The following KLHL6 variants were observed in gnomAD, a reference collection of about 807,000 sequenced individuals.
KLHL6 encodes the protein kelch-like protein 6.
KLHL6 carries 41 observed loss-of-function variants against 58.6 expected under a neutral mutation model. That is an observed-to-expected ratio of 0.70 (90% confidence interval 0.55 to 0.91). The LOEUF (loss-of-function observed/expected upper bound fraction) is 0.91. Among genes scored for constraint, KLHL6 ranks in the 40% least tolerant of loss-of-function variants. The probability of loss-of-function intolerance (pLI) is 0.00; values close to 1 mark genes in which losing one functional copy is unlikely to be tolerated. For missense variants in KLHL6, 714 were observed against 805.6 expected, an observed-to-expected ratio of 0.89 and a Z score of 1.38; for synonymous variants, 338 against 322.7, an observed-to-expected ratio of 1.05 and a Z score of -0.51.
intron 3 of KLHL6, among the ~76,000 whole-genome samples, chr3:183,507,827 G>T (rs1205048915): frequency 6.6e-6 from 1 of 152,130 alleles, no homozygotes; most frequent in African/African-American, 2.4e-5. Context: ...CATGGTGCTG[G>T]GTGATTTCTA....
rs749942087 is a variant in KLHL6 at position 183,555,446 on chromosome 3, C to T, written c.208G>A (p.Ala70Thr). ...NGLETLRMEN[A>T]LTDVILCVDI... ...ACACACAAGATGACATCTGTCAGAG[C>T]GTTTTCCATTCGCAGGGTTTCCAGG... The change falls in exon 1 of 7, where the codon GCT becomes ACT. Residue 70 changes from alanine to threonine, a missense_variant. Ala to Thr is a moderately conservative substitution (Grantham distance 58, BLOSUM62 0). Around this residue, in one of 2 missense-constraint regions of KLHL6, gnomAD observed 204 missense variants for 175.9 expected, o/e 1.16. Coordinates refer to ENST00000341319, the MANE Select transcript of KLHL6 (RefSeq NM_130446.4). The T allele has an allele frequency of 1.7e-5, 27 of 1,613,966 alleles. No individual in the cohort carries two copies. The Admixed American group carries it at 2.5e-4, about 15-fold the overall frequency.
At chr3:183,496,152 A>T (rs1302997980) in intron 4 of KLHL6, among the ~76,000 whole-genome samples, 1 of 152,188 alleles carries the variant, frequency 6.6e-6, no homozygotes, top group Non-Finnish European at 1.5e-5. Flanking sequence ...ACAGTCTAGG[A>T]GAAAATATTT....
At chr3:183,502,876 A>G (rs919903157) in intron 3 of KLHL6, among the ~76,000 whole-genome samples, 1 of 152,210 alleles carries the variant, frequency 6.6e-6, no homozygotes, top group African/African-American at 2.4e-5. Flanking sequence ...TTATGCAGCA[A>G]TTGAGAACTA....
chr3:183,509,136 T>C (rs1718107854), intron 2 of KLHL6, among the ~76,000 whole-genome samples: 1 of 152,172 alleles, frequency 6.6e-6, no homozygotes, highest in Admixed American at 6.5e-5. Flanking sequence ...AACCTAAAGA[T>C]AAACAGAGAT....
chr3:183,502,905 T>C (rs1243764289), intron 3 of KLHL6, among the ~76,000 whole-genome samples: 1 of 152,228 alleles, frequency 6.6e-6, no homozygotes, highest in Non-Finnish European at 1.5e-5. Context: ...ATCTAGCTGA[T>C]GGGCTTGGCT....
Position 183,488,770 on chromosome 3 carries a change from A to T in KLHL6, c.*3157T>A, listed in dbSNP as rs1163632037. On this transcript the variant is annotated 3_prime_UTR_variant, in exon 7 of 7. Coordinates refer to ENST00000341319, the MANE Select transcript of KLHL6 (RefSeq NM_130446.4). ...CTGGTGCCTAGAAGCTAAAACCCTG[A>T]TGACTATTCTTAAGTTTCCCCCAAA... 1 of 152,242 alleles carries T rather than the reference A, an allele frequency of 6.6e-6. No individual in the cohort carries two copies. Among genetic ancestry groups the T allele is most frequent in the Non-Finnish European group, 1.5e-5 (1 of 68,050 alleles). The allele number at this position is 152,242 out of a possible 1,614,324, so 9.4% of individuals were successfully genotyped here. A position where few individuals can be genotyped will look rare whatever the true frequency, so the allele number is the denominator to read the frequency against.
chr3:183,494,299 C>T lies in KLHL6; in HGVS notation c.1148-18G>A. ...TTTGCCACCTGCAAGAGATACAAAG[C>T]ATTTAAGAAACCATCAGATGTGTCA... On this transcript the variant is annotated intron_variant, in intron 4 of 6. Coordinates refer to ENST00000341319, the MANE Select transcript of KLHL6 (RefSeq NM_130446.4). 6.3e-7 allele frequency: 1 copy of T among 1,593,674 alleles called. No individual in the cohort carries two copies. Among genetic ancestry groups the T allele is most frequent in the Non-Finnish European group, 8.6e-7 (1 of 1,161,852 alleles).
At chr3:183,509,436 T>C (rs755691799) in intron 2 of KLHL6, among the ~76,000 whole-genome samples, 9 of 152,182 alleles carry the variant, frequency 5.9e-5, no homozygotes, top group Non-Finnish European at 1.3e-4. Flanking sequence ...CAGAATAAAG[T>C]CATAGAAAGA....
At chr3:183,525,609 G>A (rs1337978865) in intron 2 of KLHL6, among the ~76,000 whole-genome samples, 2 of 152,140 alleles carry the variant, frequency 1.3e-5, no homozygotes, top group Non-Finnish European at 2.9e-5. Flanking sequence ...GCAAATAAGT[G>A]ACTGACCCAG....
chr3:183,533,430 A>G (rs1484719221), intron 1 of KLHL6, among the ~76,000 whole-genome samples: 3 of 141,428 alleles, frequency 2.1e-5, no homozygotes, highest in Non-Finnish European at 3.0e-5. Flanking sequence ...CCCACACCCA[A>G]CTTTTTTTTT....
rs116155839 is a variant in KLHL6, at chr3:183,505,875, A to G, written c.909+2184T>C. Among the ~76,000 whole-genome samples, 665 of 152,382 alleles carry G rather than the reference A, an allele frequency of 4.4e-3. 5 individuals carry two copies. The highest frequency in any genetic ancestry group is 0.015 in the African/African-American group (635 of 41,598). On this transcript the variant is annotated intron_variant, in intron 3 of 6. Coordinates refer to ENST00000341319, the MANE Select transcript of KLHL6 (RefSeq NM_130446.4). ...TCCTAAATAGTCCTATATCTATTAA[A>G]GAGATATACATTATAGTTTAAAAAC...
chr3:183,527,900 G>A lies in KLHL6; in HGVS notation c.404C>T (p.Ala135Val), dbSNP rs551881818. The change falls in exon 2 of 7, where the codon GCG becomes GTG. Residue 135 changes from alanine to valine, a missense_variant. Physicochemically the swap from Ala to Val is moderately conservative, Grantham distance 64. Coordinates refer to ENST00000341319, the MANE Select transcript of KLHL6 (RefSeq NM_130446.4). ...TLLDYTYTSK[A>V]LITKQNVQRV... Reference sequence around the variant, plus strand: ...CTGGACATTCTGCTTGGTGATCAGCGCCTTGCTGGTGTACGTGTAGTCCAA... The same window carrying A: ...CTGGACATTCTGCTTGGTGATCAGCACCTTGCTGGTGTACGTGTAGTCCAA... 236 of 1,614,044 alleles carry A rather than the reference G, an allele frequency of 1.5e-4. 1 individual carries two copies. In the Admixed American group the frequency reaches 1.6e-3, roughly 11 times the overall value.
chr3:183,492,800 C>G lies in KLHL6; in HGVS notation c.1351-93G>C. 1 of 1,133,772 alleles carries G rather than the reference C, an allele frequency of 8.8e-7. No individual in the cohort carries two copies. 70.2% of individuals were successfully genotyped at this position (1,133,772 alleles called of 1,614,324 possible). A position where few individuals can be genotyped will look rare whatever the true frequency, so the allele number is the denominator to read the frequency against. On this transcript the variant is annotated intron_variant, in intron 5 of 6. Coordinates refer to ENST00000341319, the MANE Select transcript of KLHL6 (RefSeq NM_130446.4). The surrounding 1 kb of genome is among the most constrained non-coding windows in gnomAD (Gnocchi z 5.9). ...GGATACAGGACAGAGCTCCGGGACA[C>G]AGAACTGGGCATCTTTTGCCTATAG...
intron 2 of KLHL6, among the ~76,000 whole-genome samples, chr3:183,514,551 A>T (rs1482795385): frequency 1.3e-5 from 2 of 152,078 alleles, no homozygotes; most frequent in Non-Finnish European, 2.9e-5. Context: ...AGGATAGCTC[A>T]CCCCATTTTC....
intron 1 of KLHL6, among the ~76,000 whole-genome samples, chr3:183,543,143 A>G (rs1712610085): frequency 6.6e-6 from 1 of 151,974 alleles, no homozygotes; most frequent in Non-Finnish European, 1.5e-5. Context: ...TAATACAAAA[A>G]CTATCTTGTT....
At chr3:183,494,376 C>T in intron 4 of KLHL6, 95 bp from the exon 5 acceptor site, 1 of 1,011,694 alleles carries the variant, frequency 9.9e-7, no homozygotes, top group Admixed American at 1.8e-5. Flanking sequence ...GCCAGGTCCC[C>T]AGGCCAGCCC....
At chr3:183,509,752 C>G (rs969342409) in intron 2 of KLHL6, among the ~76,000 whole-genome samples, 4 of 152,098 alleles carry the variant, frequency 2.6e-5, no homozygotes, top group Admixed American at 2.6e-4. Context: ...ACAAAACCGT[C>G]CAGAGTAAGT....
chr3:183,526,251 C>T (rs577164335), intron 2 of KLHL6, among the ~76,000 whole-genome samples: 22 of 152,262 alleles, frequency 1.4e-4, no homozygotes, highest in Admixed American at 4.6e-4. Flanking sequence ...GCAGAGGTTG[C>T]GGTGAACCAA....
chr3:183,497,412 A>C (rs1193258783), intron 4 of KLHL6, among the ~76,000 whole-genome samples: 2 of 152,180 alleles, frequency 1.3e-5, no homozygotes, highest in Non-Finnish European at 2.9e-5. Flanking sequence ...ACTCCATCTC[A>C]AGAAAAAGAA....
Sources: gnomAD v4.1 joint callset for allele counts (sites outside exome capture counted in the v4.1 genomes callset) on GRCh38, gnomAD v4.1.1 for gene constraint, gnomAD v4.1.1 regional missense constraint, Gnocchi (gnomAD v3.1) non-coding constraint, MANE v1.5 for transcripts, NCBI Gene and HGNC (gene_info 2026-07-23, HGNC 2026-07-21) for gene names.